The following USP14 variants were observed in gnomAD, a reference collection of about 807,000 sequenced individuals.
The protein encoded by USP14 is ubiquitin carboxyl-terminal hydrolase 14.
Under a neutral mutation model 76.5 loss-of-function variants are expected in USP14, and 38 were observed. That is an observed-to-expected ratio of 0.50 (90% CI 0.38 to 0.65). The LOEUF (loss-of-function observed/expected upper bound fraction) is 0.65. USP14 is among the 30% of genes least tolerant of loss of function. USP14 has a pLI of 0.00. For missense variants in USP14, 467 were observed against 586.5 expected (o/e 0.80, Z 2.10); for synonymous variants, 192 against 191.7 (o/e 1.00, Z -0.01).
intron 5 of USP14, among the ~76,000 whole-genome samples, chr18:190,168 C>T (rs1356413059): frequency 1.3e-5 from 2 of 152,006 alleles, no homozygotes; most frequent in Non-Finnish European, 2.9e-5. Context: ...TCCTGTACTA[C>T]CAAGTTATTA....
At chr18:197,816 C>T (rs931219912) in intron 8 of USP14, 120 bp downstream of exon 8, 5 of 745,106 alleles carry the variant, frequency 6.7e-6, no homozygotes, top group Admixed American at 3.1e-5. Flanking sequence ...TATTTAAATA[C>T]TTTAGATGCT....
chr18:213,477 A>G lies in USP14; in HGVS notation c.*2193A>G, dbSNP rs1329731436. On this transcript the variant is annotated 3_prime_UTR_variant, in exon 16 of 16. Coordinates refer to ENST00000261601, the MANE Select transcript of USP14 (RefSeq NM_005151.4). ...AACTAATAAGGCTATTTTAGAATTC[A>G]GCCTTGCCTGTAAGGTCTTTGAGAA... The G allele has an allele frequency of 1.3e-5, 2 of 152,536 alleles. No individual in the cohort carries two copies. The highest frequency in any genetic ancestry group is 4.8e-5 in the African/African-American group (2 of 41,416). 9.4% of individuals were successfully genotyped at this position (152,536 alleles called of 1,614,324 possible).
At chr18:197,585 ATTAC>A (rs1278051884) in intron 7 of USP14, 27 bp from the exon 8 acceptor site, 2 of 1,559,170 alleles carry the variant, frequency 1.3e-6, no homozygotes, top group Non-Finnish European at 1.8e-6. Flanking sequence ...CACTGCCAGG[ATTAC>A]TTACTTTGTC....
At chr18:202,230 C>G (rs1910402640) in intron 10 of USP14, among the ~76,000 whole-genome samples, 1 of 152,138 alleles carries the variant, frequency 6.6e-6, no homozygotes, top group African/African-American at 2.4e-5. Context: ...TCTACATGTA[C>G]TGACTGTAAT....
chr18:162,206 G>T (rs377614300), intron 1 of USP14, among the ~76,000 whole-genome samples: 1 of 152,170 alleles, frequency 6.6e-6, no homozygotes, highest in Non-Finnish European at 1.5e-5. Flanking sequence ...GTAAACATGG[G>T]TGTACAAATA....
At chr18:188,223 G>A (rs1255312271) in intron 5 of USP14, among the ~76,000 whole-genome samples, 2 of 151,982 alleles carry the variant, frequency 1.3e-5, no homozygotes, top group Non-Finnish European at 2.9e-5. Context: ...TCTTAAGAAT[G>A]TTAAGAAAGT....
chr18:193,616 C>A (rs1910151661), intron 6 of USP14, among the ~76,000 whole-genome samples: 1 of 152,082 alleles, frequency 6.6e-6, no homozygotes, highest in African/African-American at 2.4e-5. Context: ...CTAGCCCTAC[C>A]CATTTATCTA....
intron 3 of USP14, among the ~76,000 whole-genome samples, chr18:170,769 A>G (rs1301914957): frequency 6.6e-6 from 1 of 151,976 alleles, no homozygotes; most frequent in African/African-American, 2.4e-5. Context: ...AGAAAACCGA[A>G]CACCGCATGT....
intron 3 of USP14, among the ~76,000 whole-genome samples, chr18:172,732 A>C (rs1332397442): frequency 1.3e-5 from 2 of 152,136 alleles, no homozygotes; most frequent in Admixed American, 6.6e-5. Context: ...TTAAGCAATA[A>C]ATTATTTTAA....
At chr18:196,800 A>G (rs1464300604) in intron 7 of USP14, 33 bp downstream of exon 7, 4 of 1,607,628 alleles carry the variant, frequency 2.5e-6, no homozygotes, top group South Asian at 2.2e-5. Context: ...CATTCTGTAA[A>G]TGTAAAACTT....
intron 3 of USP14, among the ~76,000 whole-genome samples, chr18:169,003 G>C (rs1429931341): frequency 1.3e-5 from 2 of 152,040 alleles, no homozygotes; most frequent in Non-Finnish European, 2.9e-5. Context: ...CATGAGCCTG[G>C]GAGGCAGAGG....
In USP14 at chr18:196,713, C is replaced by T. The variant is rs572294024; in HGVS notation, c.540C>T (p.His180=). Residue 180 remains histidine (H), a synonymous_variant, in exon 7 of 16, where the codon CAC becomes CAT. Transcript: ENST00000261601. ...IPPIILLQFL[H]MAFPQFAEKG... The stretch of plus-strand genomic sequence containing the variant: ...CTATTATTCTACTGCAGTTTTTGCA[C>T]ATGGCTTTCCCACAGTTTGCCGAGA... The T allele has an allele frequency of 3.7e-6, 6 of 1,613,966 alleles. No individual in the cohort carries two copies. In the South Asian group the frequency reaches 5.5e-5, roughly 15 times the overall value.
chr18:209,000 C>T (rs908905975), intron 13 of USP14, among the ~76,000 whole-genome samples: 2 of 152,176 alleles, frequency 1.3e-5, no homozygotes, highest in Non-Finnish European at 2.9e-5. Context: ...CTCGCCCCGG[C>T]GTAAGCCACT....
intron 1 of USP14, chr18:159,167 T>A (rs1391709121): frequency 6.0e-6 from 1 of 165,864 alleles, no homozygotes; most frequent in African/African-American, 2.4e-5. Context: ...CCGCCCTTCG[T>A]CGTCCTTCGC....
At chr18:190,984 A>T (rs1406056722) in intron 5 of USP14, among the ~76,000 whole-genome samples, 1 of 152,154 alleles carries the variant, frequency 6.6e-6, no homozygotes, top group East Asian at 1.9e-4. Flanking sequence ...AAAGGTTGAT[A>T]ATTCATTAGT....
At chr18:167,760 C>T (rs1909315792) in intron 3 of USP14, among the ~76,000 whole-genome samples, 1 of 152,096 alleles carries the variant, frequency 6.6e-6, no homozygotes, top group African/African-American at 2.4e-5. Context: ...AAGCGATCCT[C>T]CTGCCTTGGC....
chr18:209,948 A>T, intron 13 of USP14, 23 bp from the exon 14 acceptor site: 1 of 1,555,904 alleles, frequency 6.4e-7, no homozygotes. Context: ...ATGATTTAAA[A>T]TTAAACATTT....
intron 5 of USP14, among the ~76,000 whole-genome samples, chr18:189,056 T>C (rs1223705225): frequency 2.0e-5 from 3 of 152,176 alleles, no homozygotes; most frequent in Non-Finnish European, 4.4e-5. Context: ...AATTGTCCTG[T>C]CTTTAAATTA....
chr18:203,215 T>A, intron 12 of USP14, 25 bp downstream of exon 12: 1 of 1,580,760 alleles, frequency 6.3e-7, no homozygotes, highest in Non-Finnish European at 8.6e-7. Context: ...TTACTTTGTA[T>A]AAGAAATGTA....
Sources: allele counts gnomAD v4.1 joint callset (sites outside exome capture counted in the v4.1 genomes callset), GRCh38; gene constraint gnomAD v4.1.1; transcripts MANE v1.5; gene names NCBI Gene and HGNC (gene_info 2026-07-23, HGNC 2026-07-21).